The following RANBP17 variants were observed in gnomAD, a reference collection of about 807,000 sequenced individuals.
The protein encoded by RANBP17 is ran-binding protein 17.
RANBP17 carries 158 observed loss-of-function variants against 141.2 expected under a neutral mutation model. That is an observed-to-expected ratio of 1.12 (90% CI 0.98 to 1.28). RANBP17 has a LOEUF of 1.28. Ranked by LOEUF, RANBP17 falls within the 50% of genes most tolerant of loss-of-function variation. The pLI, the probability that RANBP17 is intolerant of heterozygous loss-of-function variation, is 0.00. For synonymous variants in RANBP17, 430 were observed against 450.0 expected (o/e 0.96, Z 0.56); for missense variants, 1,438 against 1,290.7 (o/e 1.11, Z -1.75).
intron 5 of RANBP17, among the ~76,000 whole-genome samples, chr5:170,905,242 A>G (rs368618033): frequency 1.3e-5 from 2 of 152,146 alleles, no homozygotes; most frequent in East Asian, 1.9e-4. Context: ...GGTTCTAAAC[A>G]GAATGAAAGC....
chr5:170,971,518 T>G (rs1162048086), intron 14 of RANBP17, among the ~76,000 whole-genome samples: 1 of 152,200 alleles, frequency 6.6e-6, no homozygotes, highest in Non-Finnish European at 1.5e-5. Context: ...GCTGACCACT[T>G]TGGTATATTG....
intron 14 of RANBP17, among the ~76,000 whole-genome samples, chr5:170,975,355 A>C (rs13167019): frequency 0.61 from 92,956 of 151,774 alleles, 29,843 homozygotes; most frequent in South Asian, 0.89. Context: ...ATGGTGAAAC[A>C]CTGTCTCTAC....
At chr5:171,267,223 G>A (rs2128022207) in intron 25 of RANBP17, among the ~76,000 whole-genome samples, 1 of 143,600 alleles carries the variant, frequency 7.0e-6, no homozygotes, top group South Asian at 2.2e-4. Flanking sequence ...TTTTTGGAGA[G>A]AAGGAGTTTT....
chr5:171,025,556 G>A (rs181270112), intron 14 of RANBP17, among the ~76,000 whole-genome samples: 62 of 148,224 alleles, frequency 4.2e-4, no homozygotes, highest in Middle Eastern at 3.5e-3. Flanking sequence ...ATATTATTTT[G>A]TCCTTAGTCC....
intron 14 of RANBP17, among the ~76,000 whole-genome samples, chr5:171,050,880 G>A (rs868806143): frequency 3.3e-5 from 5 of 152,204 alleles, no homozygotes; most frequent in African/African-American, 9.6e-5. Context: ...ATCTGAGAAT[G>A]TCATTATTTC....
chr5:171,184,575 T>C (rs555962256), intron 18 of RANBP17, among the ~76,000 whole-genome samples: 2 of 152,302 alleles, frequency 1.3e-5, no homozygotes, highest in African/African-American at 4.8e-5. Context: ...AATAACAATA[T>C]ATTGTATTCT....
At chr5:170,867,956 A>T (rs1395432752) in intron 1 of RANBP17, among the ~76,000 whole-genome samples, 2 of 151,934 alleles carry the variant, frequency 1.3e-5, no homozygotes, top group African/African-American at 2.4e-5. Context: ...GAAATCACTG[A>T]TTTGCTTTCT....
chr5:170,964,627 T>C (rs539983106), intron 13 of RANBP17, among the ~76,000 whole-genome samples: 2 of 152,238 alleles, frequency 1.3e-5, no homozygotes, highest in South Asian at 4.2e-4. Context: ...AATTCCCACC[T>C]ATGAGTGAGA....
At position 171,063,331 on chromosome 5, in the gene RANBP17, G is replaced by T. The variant is rs527324214; in HGVS notation, c.1710+94954G>T. Among the ~76,000 whole-genome samples, 617 of 152,286 alleles carry T rather than the reference G, an allele frequency of 4.1e-3. 3 individuals carry two copies. Among genetic ancestry groups the T allele is most frequent in the Non-Finnish European group, 6.7e-3 (458 of 68,030 alleles). On this transcript the variant is annotated intron_variant, in intron 14 of 27. Transcript: ENST00000523189. ...CTTTGATGATGGTAATGTACAGATG[G>T]GTTTTTGGTGTGGATGTCCTTTCTG...
chr5:171,236,589 T>A (rs1764559447), intron 22 of RANBP17, among the ~76,000 whole-genome samples: 1 of 151,946 alleles, frequency 6.6e-6, no homozygotes, highest in Non-Finnish European at 1.5e-5. Flanking sequence ...CAGCTTCACC[T>A]CCTCCTCTTT....
At chr5:171,148,370 C>T (rs2127826836) in intron 14 of RANBP17, among the ~76,000 whole-genome samples, 1 of 151,866 alleles carries the variant, frequency 6.6e-6, no homozygotes, top group South Asian at 2.1e-4. Context: ...GTGAGAAACA[C>T]CCAAGAATTA....
At chr5:171,140,705 T>G (rs1222615175) in intron 14 of RANBP17, among the ~76,000 whole-genome samples, 1 of 152,236 alleles carries the variant, frequency 6.6e-6, no homozygotes, top group African/African-American at 2.4e-5. Flanking sequence ...ATTGTGGTGG[T>G]AGTTACACAT....
rs13165002 is a variant in RANBP17, at chr5:171,105,238, C to T, written c.1711-64892C>T. On this transcript the variant is annotated intron_variant, in intron 14 of 27. Coordinates refer to ENST00000523189, the MANE Select transcript of RANBP17 (RefSeq NM_022897.5). ...TCTACTAAAAATACAAAAAATTAGC[C>T]GGGCGTAGTGGCGGGCGCCTGTAGT... 8.5e-3 allele frequency among the ~76,000 whole-genome samples: 1,274 copies of T among 150,108 alleles called. 6 individuals are homozygous for T. The highest frequency in any genetic ancestry group is 0.012 in the Non-Finnish European group (783 of 67,592).
chr5:171,063,892 G>C (rs979517019), intron 14 of RANBP17, among the ~76,000 whole-genome samples: 2 of 152,222 alleles, frequency 1.3e-5, no homozygotes, highest in Non-Finnish European at 1.5e-5. Flanking sequence ...CAGCCTCGCT[G>C]CTGCCTTGCA....
chr5:171,057,891 G>A (rs915119369), intron 14 of RANBP17, among the ~76,000 whole-genome samples: 4 of 152,054 alleles, frequency 2.6e-5, no homozygotes, highest in Admixed American at 6.6e-5. Context: ...ACCTGGTCTC[G>A]GCCTTGACAC....
intron 14 of RANBP17, among the ~76,000 whole-genome samples, chr5:170,985,023 ACACACACAGACACACAGG>A (rs1279767483): frequency 7.9e-6 from 1 of 126,414 alleles, no homozygotes; most frequent in African/African-American, 2.8e-5. Flanking sequence ...ATACACATAT[ACACACACAGACACACAGG>A]CACACACAGA....
chr5:170,943,902 T>A (rs1774543023), intron 12 of RANBP17, among the ~76,000 whole-genome samples: 1 of 152,174 alleles, frequency 6.6e-6, no homozygotes, highest in Non-Finnish European at 1.5e-5. Context: ...AAATCTAATC[T>A]TTTAGCAAAT....
chr5:170,981,852 G>A (rs1284726317), intron 14 of RANBP17, among the ~76,000 whole-genome samples: 3 of 152,106 alleles, frequency 2.0e-5, no homozygotes, highest in African/African-American at 7.2e-5. Flanking sequence ...TAGGTGATTT[G>A]CACTAAGAAC....
At chr5:170,956,067 A>G (rs1775668010) in intron 13 of RANBP17, among the ~76,000 whole-genome samples, 2 of 151,212 alleles carry the variant, frequency 1.3e-5, no homozygotes, top group Admixed American at 1.3e-4. Context: ...AGCTTTTTAT[A>G]TTTATTTTTA....
Sources: allele counts gnomAD v4.1 joint callset (sites outside exome capture counted in the v4.1 genomes callset), GRCh38; gene constraint gnomAD v4.1.1; transcripts MANE v1.5; gene names NCBI Gene and HGNC (gene_info 2026-07-23, HGNC 2026-07-21).